GLMN: variants seen among roughly 807,000 people sequenced by gnomAD.
The protein encoded by GLMN is glomulin.
Under a neutral mutation model 87.8 loss-of-function variants are expected in GLMN, and 75 were observed. The ratio of observed to expected loss-of-function variants is 0.85; its 90% CI spans 0.71 to 1.04. The LOEUF is 1.04. GLMN is among the 50% of genes least tolerant of loss of function. GLMN has a pLI of 0.00. For missense variants in GLMN, 588 were observed against 658.8 expected (o/e 0.89, Z 1.18); for synonymous variants, 206 against 221.6 (o/e 0.93, Z 0.63).
chr1:92,292,719 C>T (rs1260206874), intron 3 of GLMN, among the ~76,000 whole-genome samples: 2 of 145,322 alleles, frequency 1.4e-5, no homozygotes, highest in Non-Finnish European at 3.0e-5. Context: ...CACCGCACCC[C>T]GTCTTTTCTT....
At chr1:92,367,701 C>T in the GLMN span, among the ~76,000 whole-genome samples, 1 of 152,168 alleles carries the variant, frequency 6.6e-6, no homozygotes, top group Non-Finnish European at 1.5e-5. Flanking sequence ...TGGCCTTTCA[C>T]TTCCTGTCCC....
Position 92,247,051 on chromosome 1 carries a change from T to A in GLMN, c.1668+11A>T. 1 of 1,410,732 alleles carries A rather than the reference T, an allele frequency of 7.1e-7. No individual in the cohort carries two copies. The highest frequency in any genetic ancestry group is 1.0e-6 in the Non-Finnish European group (1 of 997,200). The allele number at this position is 1,410,732 out of a possible 1,614,324, so 87.4% of individuals were successfully genotyped here. A position where few individuals can be genotyped will look rare whatever the true frequency, so the allele number is the denominator to read the frequency against. On this transcript the variant is annotated intron_variant, in intron 18 of 18. Transcript: ENST00000370360. The stretch of plus-strand genomic sequence containing the variant: ...AGAAGAAAAAGGAAAGAAAAGAAAA[T>A]TTCAGATCACCTTAAGCTGCATTTC...
rs1221798686 is a variant in GLMN, at chr1:92,259,261, CTA to C, written c.1473+3600_1473+3601del. ...CAACTAATAATTATTTAAAGATACTCTATTAAATATCTATTAAATAGATAATA... is the reference window on the plus strand; with the variant it reads ...CAACTAATAATTATTTAAAGATACTCTTAAATATCTATTAAATAGATAATA... On this transcript the variant is annotated intron_variant, in intron 16 of 18. Coordinates refer to ENST00000370360, the MANE Select transcript of GLMN (RefSeq NM_053274.3). Among the ~76,000 whole-genome samples, 21 of 152,166 alleles carry C rather than the reference CTA, an allele frequency of 1.4e-4. No homozygotes were observed. The East Asian group carries it at 4.1e-3, about 29-fold the overall frequency.
At chr1:92,333,497 G>A in the GLMN span, 4 of 1,501,882 alleles carry the variant, frequency 2.7e-6, no homozygotes. Flanking sequence ...TGCCATTCCA[G>A]CTTTGTAGTA....
At chr1:92,299,022 C>A, upstream of GLMN, 2 of 1,018,464 alleles carry the variant, frequency 2.0e-6, no homozygotes, top group Non-Finnish European at 1.4e-6. Context: ...GGAGGCGGGG[C>A]CTCGGGGCGA....
At chr1:92,304,211 G>T in the GLMN span, 9 of 1,175,504 alleles carry the variant, frequency 7.7e-6, no homozygotes, top group South Asian at 2.6e-5. Context: ...ATATGTAGAT[G>T]ACTTAATCTT....
chr1:92,262,749 C>T, intron 16 of GLMN, 114 bp downstream of exon 16: 2 of 605,936 alleles, frequency 3.3e-6, no homozygotes, highest in Admixed American at 5.0e-5. Flanking sequence ...GGCACTCTTC[C>T]CGGCCTTTAT....
At chr1:92,369,007 T>C in the GLMN span, among the ~76,000 whole-genome samples, 1 of 152,212 alleles carries the variant, frequency 6.6e-6, no homozygotes, top group African/African-American at 2.4e-5. Flanking sequence ...TTTTATCATG[T>C]GAGTTGTTTT....
chr1:92,333,075 C>A, the GLMN span, among the ~76,000 whole-genome samples: 1 of 151,904 alleles, frequency 6.6e-6, no homozygotes, highest in East Asian at 1.9e-4. Context: ...ATATTTTAAT[C>A]CCCTACATTT....
the GLMN span, among the ~76,000 whole-genome samples, chr1:92,361,909 A>G: frequency 2.0e-5 from 3 of 152,206 alleles, no homozygotes; most frequent in African/African-American, 7.2e-5. Flanking sequence ...CCAGGTCGAT[A>G]GAGGTGGCAC....
chr1:92,267,924 T>C lies in GLMN; in HGVS notation c.1087A>G (p.Thr363Ala). Residue 363 changes from threonine to alanine, a missense_variant, in exon 11 of 19, where the codon ACT (threonine) becomes GCT (alanine). By Grantham distance (58) the Thr-to-Ala change is moderately conservative. Coordinates refer to ENST00000370360, the MANE Select transcript of GLMN (RefSeq NM_053274.3). ...YQYLEIKSFLTVPQGLVKVMT... is the reference protein window; with the variant it reads ...YQYLEIKSFLAVPQGLVKVMT... ...CATATTTTATTTACCTGAGGTACAG[T>C]AAGAAAACTCTTGATTTCTAAGTAC... 7.0e-7 allele frequency: 1 copy of C among 1,427,772 alleles called. No individual in the cohort carries two copies. Among genetic ancestry groups the C allele is most frequent in the Non-Finnish European group, 9.9e-7 (1 of 1,010,108 alleles). The allele number at this position is 1,427,772 out of a possible 1,614,324, so 88.4% of individuals were successfully genotyped here. A position where few individuals can be genotyped will look rare whatever the true frequency, so the allele number is the denominator to read the frequency against.
At chr1:92,256,561 C>CA (rs1479334723) in intron 16 of GLMN, among the ~76,000 whole-genome samples, 1 of 152,212 alleles carries the variant, frequency 6.6e-6, no homozygotes, top group Non-Finnish European at 1.5e-5. Context: ...CCACCATGAT[C>CA]AAGTTGGCTT....
chr1:92,266,702 G>A lies in GLMN; in HGVS notation c.1138C>T (p.Leu380=). ...KVMTLCPIET[L]RKKSLAMLQL... is the part of the protein sequence containing the mutation. ...TTAGTCACCAAATATTTACATACCA[G>A]TGTCTCAATGGGGCAAAGTGTCATT... The change falls in exon 12 of 19, where the codon CTG becomes TTG. Residue 380 remains leucine, a splice_region_variant and synonymous_variant. Coordinates refer to ENST00000370360, the MANE Select transcript of GLMN (RefSeq NM_053274.3). The A allele has an allele frequency of 6.3e-7, 1 of 1,587,366 alleles. No homozygotes were observed. Among genetic ancestry groups the A allele is most frequent in the Non-Finnish European group, 8.6e-7 (1 of 1,156,910 alleles).
chr1:92,287,992 GTCATT>G (rs1648966921), intron 6 of GLMN, among the ~76,000 whole-genome samples: 5 of 150,310 alleles, frequency 3.3e-5, no homozygotes, highest in Non-Finnish European at 3.0e-5. Context: ...CTGAAATATT[GTCATT>G]TCAACATGTT....
the GLMN span, among the ~76,000 whole-genome samples, chr1:92,347,886 C>T: frequency 4.6e-5 from 7 of 151,926 alleles, no homozygotes; most frequent in Admixed American, 2.6e-4. Context: ...TGTAGTGTAT[C>T]GCATGTTTCA....
the GLMN span, chr1:92,336,420 AC>A: frequency 6.3e-7 from 1 of 1,593,436 alleles, no homozygotes; most frequent in African/African-American, 1.3e-5. Context: ...TCTTGTTCGA[AC>A]TTTCAGGTTA....
chr1:92,324,122 C>T, the GLMN span: 77 of 1,614,002 alleles, frequency 4.8e-5, no homozygotes, highest in Non-Finnish European at 6.4e-5. Context: ...CCCGAAGCCT[C>T]TCTGGTTAAA....
chr1:92,275,589 A>T (rs1408558243), intron 7 of GLMN, among the ~76,000 whole-genome samples: 2 of 152,190 alleles, frequency 1.3e-5, no homozygotes, highest in Non-Finnish European at 2.9e-5. Flanking sequence ...TCTTTTAAAG[A>T]ATAGCTTACA....
chr1:92,333,287 G>T, the GLMN span: 2 of 841,394 alleles, frequency 2.4e-6, no homozygotes, highest in South Asian at 1.6e-5. Context: ...TTCCTACTGT[G>T]CCACAGATAC....
Sources: allele counts gnomAD v4.1 joint callset (sites outside exome capture counted in the v4.1 genomes callset), GRCh38; gene constraint gnomAD v4.1.1; transcripts MANE v1.5; gene names NCBI Gene and HGNC (gene_info 2026-07-23, HGNC 2026-07-21).